The following STX7 variants were observed in gnomAD, a reference collection of about 807,000 sequenced individuals.
STX7 encodes syntaxin-7.
In STX7, 34 loss-of-function variants were observed where a neutral mutation model predicts 39.6. The observed-to-expected ratio is 0.86, with a 90% confidence interval of 0.65 to 1.14. The LOEUF (loss-of-function observed/expected upper bound fraction) is 1.14. STX7 is among the 50% of genes most tolerant of loss of function. The probability of loss-of-function intolerance (pLI) is 0.00; values close to 1 mark genes in which losing one functional copy is unlikely to be tolerated. For synonymous variants in STX7, 119 were observed against 99.1 expected, an observed-to-expected ratio of 1.20 and a Z score of -1.19; for missense variants, 284 against 310.4, an observed-to-expected ratio of 0.92 and a Z score of 0.64.
In STX7 at chr6:132,454,106, T is replaced by C. The variant is rs1297487420; in HGVS notation, c.*6652A>G. Reference sequence around the variant, plus strand: ...ATTCACACTAAAAAGTACCTGTCAATAGACTTGATACACATAATAAGCTGG... The same window carrying C: ...ATTCACACTAAAAAGTACCTGTCAACAGACTTGATACACATAATAAGCTGG... On this transcript the variant is annotated 3_prime_UTR_variant, in exon 10 of 10. Coordinates refer to ENST00000367941, the MANE Select transcript of STX7 (RefSeq NM_003569.3). The C allele has an allele frequency of 1.3e-5, 2 of 151,766 alleles. No homozygotes were observed. Among genetic ancestry groups the C allele is most frequent in the Admixed American group, 6.6e-5 (1 of 15,226 alleles). The allele number at this position is 151,766 out of a possible 1,614,324, so 9.4% of individuals were successfully genotyped here.
Position 132,454,354 on chromosome 6 carries a change from C to G in STX7, c.*6404G>C, listed in dbSNP as rs1324498556. 2 of 152,024 alleles carry G rather than the reference C, an allele frequency of 1.3e-5. No homozygotes were observed. Among genetic ancestry groups the G allele is most frequent in the Non-Finnish European group, 1.5e-5 (1 of 67,994 alleles). 9.4% of individuals were successfully genotyped at this position (152,024 alleles called of 1,614,324 possible). On this transcript the variant is annotated 3_prime_UTR_variant, in exon 10 of 10. Transcript: ENST00000367941. Reference sequence around the variant, plus strand: ...AGGGATCCCTGTGCTAGAAAAAGTTCTGTGTGGAAACGTTCTCTATCTTAG... The same window carrying G: ...AGGGATCCCTGTGCTAGAAAAAGTTGTGTGTGGAAACGTTCTCTATCTTAG...
chr6:132,508,982 T>C (rs763767771), intron 1 of STX7, among the ~76,000 whole-genome samples: 6 of 152,368 alleles, frequency 3.9e-5, no homozygotes, highest in Middle Eastern at 3.4e-3. Flanking sequence ...AAGCCTATCA[T>C]GTGGGTATAA....
chr6:132,511,349 CCTT>C (rs1775843053), intron 1 of STX7, among the ~76,000 whole-genome samples: 1 of 152,202 alleles, frequency 6.6e-6, no homozygotes, highest in African/African-American at 2.4e-5. Flanking sequence ...GTGACTGGCT[CCTT>C]CTCCCCAGCA....
chr6:132,503,626 G>A (rs1775632635), intron 1 of STX7, 38 bp from the exon 2 acceptor site: 1 of 900,148 alleles, frequency 1.1e-6, no homozygotes, highest in East Asian at 2.6e-5. Context: ...TATTTTTTAA[G>A]TTACTGGCTT....
chr6:132,493,473 G>C (rs1325585342), intron 2 of STX7, among the ~76,000 whole-genome samples: 1 of 152,104 alleles, frequency 6.6e-6, no homozygotes, highest in African/African-American at 2.4e-5. Flanking sequence ...TCATGATAGT[G>C]AATAAGTCTC....
At position 132,458,178 on chromosome 6, in the gene STX7, A is replaced by G. The variant is rs988302387; in HGVS notation, c.*2580T>C. On this transcript the variant is annotated 3_prime_UTR_variant, in exon 10 of 10. Transcript: ENST00000367941. ...AAGCAGTGAAGACACTAAATAACCCAGTGGCGACCTCTTCAAAGTGCAGTG... is the reference window on the plus strand; with the variant it reads ...AAGCAGTGAAGACACTAAATAACCCGGTGGCGACCTCTTCAAAGTGCAGTG... The G allele has an allele frequency of 3.3e-5, 5 of 152,258 alleles. No individual in the cohort carries two copies. The highest frequency in any genetic ancestry group is 1.2e-4 in the African/African-American group (5 of 41,472). The allele number at this position is 152,258 out of a possible 1,614,324, so 9.4% of individuals were successfully genotyped here. A position where few individuals can be genotyped will look rare whatever the true frequency, so the allele number is the denominator to read the frequency against.
chr6:132,512,242 G>T (rs7758434), intron 1 of STX7, among the ~76,000 whole-genome samples: 12,234 of 152,006 alleles, frequency 0.08, 655 homozygotes, highest in East Asian at 0.16. Context: ...ACGATCTGAG[G>T]TAAACAAAAA....
At position 132,468,084 on chromosome 6, in the gene STX7, A is replaced by C. The variant is rs76681020; in HGVS notation, c.610+319T>G. 4.3e-3 allele frequency among the ~76,000 whole-genome samples: 657 copies of C among 152,300 alleles called. 8 individuals are homozygous for C. Among genetic ancestry groups the C allele is most frequent in the African/African-American group, 0.015 (615 of 41,564 alleles). The stretch of plus-strand genomic sequence containing the variant: ...GCATGATGACAAATAAATTGGAGTA[A>C]GACTAAAACCAGAGGCCCTGGAAAT... On this transcript the variant is annotated intron_variant, in intron 8 of 9. Coordinates refer to ENST00000367941, the MANE Select transcript of STX7 (RefSeq NM_003569.3).
intron 1 of STX7, among the ~76,000 whole-genome samples, chr6:132,511,486 C>G (rs1174080712): frequency 6.6e-6 from 1 of 152,186 alleles, no homozygotes; most frequent in East Asian, 1.9e-4. Context: ...GAATTAATCA[C>G]TGTTTATTAT....
At chr6:132,470,300 G>A (rs1375779701) in intron 6 of STX7, among the ~76,000 whole-genome samples, 1 of 151,940 alleles carries the variant, frequency 6.6e-6, no homozygotes, top group Non-Finnish European at 1.5e-5. Context: ...TGTCAACTGG[G>A]TATTTCTTCT....
chr6:132,446,985 A>G lies in STX7; in HGVS notation c.*13773T>C, dbSNP rs913459657. ...CATGAATAACTGCCGAGGGTACCAT[A>G]GACACTGGGTTGGACAAGCAAGAAA... On this transcript the variant is annotated 3_prime_UTR_variant, in exon 10 of 10. Coordinates refer to ENST00000367941, the MANE Select transcript of STX7 (RefSeq NM_003569.3). 3.3e-5 allele frequency: 5 copies of G among 152,224 alleles called. No homozygotes were observed. The highest frequency in any genetic ancestry group is 1.2e-4 in the African/African-American group (5 of 41,464). The allele number at this position is 152,224 out of a possible 1,614,324, so 9.4% of individuals were successfully genotyped here.
At chr6:132,473,266 A>G (rs1054281219) in intron 3 of STX7, among the ~76,000 whole-genome samples, 11 of 152,226 alleles carry the variant, frequency 7.2e-5, no homozygotes. Flanking sequence ...GAAAGAACAC[A>G]ATAAATAAAA....
chr6:132,464,413 A>C (rs1192185380), intron 8 of STX7, among the ~76,000 whole-genome samples: 1 of 152,184 alleles, frequency 6.6e-6, no homozygotes, highest in African/African-American at 2.4e-5. Context: ...TCTCAGTGTC[A>C]AACTCCACAG....
At chr6:132,503,419 G>GTGAA in intron 2 of STX7, 27 bp downstream of exon 2, 1 of 1,586,312 alleles carries the variant, frequency 6.3e-7, no homozygotes, top group East Asian at 2.2e-5. Flanking sequence ...GATACAAATA[G>GTGAA]TGAAGTCCAT....
intron 2 of STX7, among the ~76,000 whole-genome samples, chr6:132,501,541 T>C (rs541979008): frequency 2.6e-5 from 4 of 152,324 alleles, no homozygotes; most frequent in South Asian, 2.1e-4. Context: ...TTAGGGAACA[T>C]GGCCTGATTT....
At chr6:132,498,186 AATAAAGTC>A (rs1326685774) in intron 2 of STX7, among the ~76,000 whole-genome samples, 5 of 152,210 alleles carry the variant, frequency 3.3e-5, no homozygotes, top group African/African-American at 7.2e-5. Flanking sequence ...CAGAGCCTGT[AATAAAGTC>A]ATAGTTTGTT....
rs1198094677 is a variant in STX7, at chr6:132,459,030, GACTTTAAA to G, written c.*1720_*1727del. On this transcript the variant is annotated 3_prime_UTR_variant, in exon 10 of 10. Transcript: ENST00000367941. The stretch of plus-strand genomic sequence containing the variant: ...CTGATTGTGAAAGCCATGGGGATGG[GACTTTAAA>G]ACAGCGGTAAGACGCTGGTTTATCA... 2 of 152,178 alleles carry G rather than the reference GACTTTAAA, an allele frequency of 1.3e-5. No individual in the cohort carries two copies. The highest frequency in any genetic ancestry group is 3.8e-4 in the East Asian group (2 of 5,198). 9.4% of individuals were successfully genotyped at this position (152,178 alleles called of 1,614,324 possible).
intron 4 of STX7, among the ~76,000 whole-genome samples, chr6:132,472,064 G>A (rs1026766215): frequency 6.6e-5 from 10 of 152,042 alleles, no homozygotes; most frequent in African/African-American, 2.4e-4. Context: ...TATGGGTCAG[G>A]GCAAATGCAT....
intron 8 of STX7, among the ~76,000 whole-genome samples, chr6:132,465,721 G>T (rs988286630): frequency 5.3e-5 from 8 of 152,138 alleles, no homozygotes; most frequent in African/African-American, 1.9e-4. Context: ...ACCATCAGAA[G>T]ACATTTCCAC....
Sources: allele counts gnomAD v4.1 joint callset (sites outside exome capture counted in the v4.1 genomes callset), GRCh38; gene constraint gnomAD v4.1.1; transcripts MANE v1.5; gene names NCBI Gene and HGNC (gene_info 2026-07-23, HGNC 2026-07-21).